Variants in LMBRD2 observed in about 807,000 individuals in gnomAD.
LMBRD2 encodes G protein-coupled receptor-associated protein LMBRD2.
LMBRD2 carries 55 observed loss-of-function variants against 94.4 expected under a neutral mutation model. The observed-to-expected ratio is 0.58, with a 90% CI of 0.47 to 0.73. The LOEUF is 0.73. Ranked by LOEUF, LMBRD2 falls within the 30% of genes least tolerant of loss-of-function variation. The pLI, the probability that LMBRD2 is intolerant of heterozygous loss-of-function variation, is 0.00. For synonymous variants in LMBRD2, 246 were observed against 272.4 expected, an observed-to-expected ratio of 0.90 and a Z score of 0.95; for missense variants, 640 against 831.9, an observed-to-expected ratio of 0.77 and a Z score of 2.84.
intron 6 of LMBRD2, among the ~76,000 whole-genome samples, chr5:36,135,449 C>T (rs1178870221): frequency 6.6e-6 from 1 of 152,116 alleles, no homozygotes; most frequent in Non-Finnish European, 1.5e-5. Context: ...TTTATTATTT[C>T]ATCAACATTA....
chr5:36,139,849 A>G (rs1253967004), intron 4 of LMBRD2, among the ~76,000 whole-genome samples: 4 of 152,198 alleles, frequency 2.6e-5, no homozygotes, highest in African/African-American at 7.2e-5. Flanking sequence ...ATCACTCAAT[A>G]AAGCACCTCT....
At chr5:36,121,546 G>C (rs1743887119) in intron 9 of LMBRD2, among the ~76,000 whole-genome samples, 1 of 152,084 alleles carries the variant, frequency 6.6e-6, no homozygotes, top group African/African-American at 2.4e-5. Flanking sequence ...ACAAAGTATA[G>C]GTTTTATAAT....
Position 36,122,891 on chromosome 5 carries a change from C to T in LMBRD2, c.893G>A (p.Ser298Asn), listed in dbSNP as rs146190853. 9.4e-5 allele frequency: 149 copies of T among 1,589,184 alleles called. 1 individual carries two copies. The highest frequency in any genetic ancestry group is 1.2e-4 in the Non-Finnish European group (142 of 1,172,134). The change falls in exon 8 of 18, where the codon AGT becomes AAT. Residue 298 changes from serine to asparagine, a missense_variant. Ser to Asn is a conservative substitution (Grantham distance 46). Coordinates refer to ENST00000296603, the MANE Select transcript of LMBRD2 (RefSeq NM_001007527.2). The part of the protein sequence containing the change: ...DDYEDFDEKH[S>N]IYPSEKSLVK... ...CAGACTTTTTTCACTTGGATAGATACTATGCTTTTCATCAAAATCTTCATA... is the reference window on the plus strand; with the variant it reads ...CAGACTTTTTTCACTTGGATAGATATTATGCTTTTCATCAAAATCTTCATA...
At chr5:36,108,469 T>A in intron 16 of LMBRD2, 65 bp downstream of exon 16, 1 of 758,594 alleles carries the variant, frequency 1.3e-6, no homozygotes, top group Non-Finnish European at 2.2e-6. Flanking sequence ...ATTCTAACAC[T>A]CAATCTCTAT....
intron 1 of LMBRD2, among the ~76,000 whole-genome samples, chr5:36,146,425 CA>C (rs1279889291): frequency 2.6e-5 from 4 of 152,194 alleles, no homozygotes; most frequent in Non-Finnish European, 5.9e-5. Flanking sequence ...GGCCGGAGGG[CA>C]GTGGCATGAT....
chr5:36,141,038 A>T, intron 4 of LMBRD2, 69 bp downstream of exon 4: 1 of 822,686 alleles, frequency 1.2e-6, no homozygotes, highest in Non-Finnish European at 2.1e-6. Context: ...ATTCCAAACT[A>T]TATTGATTGA....
intron 10 of LMBRD2, among the ~76,000 whole-genome samples, chr5:36,116,838 G>A (rs755996233): frequency 8.6e-5 from 13 of 151,764 alleles, no homozygotes; most frequent in East Asian, 7.8e-4. Flanking sequence ...CACCACGCCC[G>A]GCTAATTTTT....
At chr5:36,146,224 C>T (rs1744534087) in intron 1 of LMBRD2, among the ~76,000 whole-genome samples, 1 of 152,234 alleles carries the variant, frequency 6.6e-6, no homozygotes, top group African/African-American at 2.4e-5. Context: ...CTTTAAACAA[C>T]ATCCATTTAG....
In LMBRD2 at chr5:36,103,931, T is replaced by G; in HGVS notation, c.*115A>C. ...TATAATTAATTCTCAGTGCCTTTTT[T>G]GTTATCTTGACACTTTTCACTGTGT... is the stretch of plus-strand genomic sequence containing the variant. On this transcript the variant is annotated 3_prime_UTR_variant, in exon 18 of 18. Transcript: ENST00000296603. 1.5e-6 allele frequency: 1 copy of G among 678,838 alleles called. No homozygotes were observed. The highest frequency in any genetic ancestry group is 2.6e-6 in the Non-Finnish European group (1 of 385,514). 42.1% of individuals were successfully genotyped at this position (678,838 alleles called of 1,614,324 possible). A position where few individuals can be genotyped will look rare whatever the true frequency, so the allele number is the denominator to read the frequency against.
chr5:36,112,506 T>G (rs1442869458), intron 13 of LMBRD2, among the ~76,000 whole-genome samples: 2 of 152,210 alleles, frequency 1.3e-5, no homozygotes, highest in East Asian at 3.8e-4. Context: ...AACCTATCAT[T>G]GAAATGTCAG....
At chr5:36,146,949 T>A (rs866331757) in intron 1 of LMBRD2, among the ~76,000 whole-genome samples, 3,501 of 147,954 alleles carry the variant, frequency 0.024, 72 homozygotes, top group African/African-American at 0.066. Context: ...TGAGTGTGTG[T>A]GTGTGTGTGT....
At chr5:36,141,270 G>C in intron 3 of LMBRD2, 68 bp from the exon 4 acceptor site, 1 of 873,932 alleles carries the variant, frequency 1.1e-6, no homozygotes, top group African/African-American at 1.7e-5. Context: ...CAATTAATTT[G>C]CATGTGGCCA....
At chr5:36,128,898 T>A (rs1174008351) in intron 6 of LMBRD2, among the ~76,000 whole-genome samples, 1 of 152,088 alleles carries the variant, frequency 6.6e-6, no homozygotes, top group Non-Finnish European at 1.5e-5. Context: ...AACAAAGCTG[T>A]TGAAAGAATT....
At chr5:36,122,217 A>G (rs1743902161) in intron 9 of LMBRD2, 63 bp downstream of exon 9, 5 of 1,227,148 alleles carry the variant, frequency 4.1e-6, no homozygotes, top group East Asian at 4.8e-5. Context: ...GTGAAAATAC[A>G]TAACTTCTTT....
chr5:36,139,039 T>C (rs368959838), intron 4 of LMBRD2, among the ~76,000 whole-genome samples: 22 of 152,206 alleles, frequency 1.4e-4, no homozygotes, highest in East Asian at 9.7e-4. Context: ...CCCTTCCGAG[T>C]TGGCGGGGCA....
At chr5:36,150,019 A>G (rs1274165997) in intron 1 of LMBRD2, among the ~76,000 whole-genome samples, 1 of 152,262 alleles carries the variant, frequency 6.6e-6, no homozygotes, top group Non-Finnish European at 1.5e-5. Flanking sequence ...CTCGTCTTCA[A>G]TGGACACAAT....
chr5:36,108,572 G>A lies in LMBRD2; in HGVS notation c.1859C>T (p.Pro620Leu). ...STRNRNIHTD[P>L]KESNFSDVNT... is the part of the protein sequence containing the mutation. ...AACATCTGAGAAGTTTGACTCTTTG[G>A]GGTCAGTATGAATATTTCTGTTCCT... The change falls in exon 16 of 18, where the codon CCC becomes CTC. Residue 620 changes from proline (P) to leucine (L), a missense_variant. Around this residue, in one of 2 missense-constraint regions of LMBRD2, gnomAD observed 183 missense variants for 189.1 expected, o/e 0.97. Transcript: ENST00000296603. The A allele has an allele frequency of 6.3e-7, 1 of 1,594,266 alleles. No homozygotes were observed.
rs1215486846 is a variant in LMBRD2 at position 36,099,872 on chromosome 5, G to A, written c.*4174C>T. The stretch of plus-strand genomic sequence containing the variant: ...AGTGAGTCCTCAATTGACCTCAATG[G>A]ACCAATGGCTTGGTACAGAAGGAAT... On this transcript the variant is annotated 3_prime_UTR_variant, in exon 18 of 18. Coordinates refer to ENST00000296603, the MANE Select transcript of LMBRD2 (RefSeq NM_001007527.2). 6.6e-6 allele frequency: 1 copy of A among 152,070 alleles called. No homozygotes were observed. The highest frequency in any genetic ancestry group is 2.4e-5 in the African/African-American group (1 of 41,422). The allele number at this position is 152,070 out of a possible 1,614,324, so 9.4% of individuals were successfully genotyped here. A position where few individuals can be genotyped will look rare whatever the true frequency, so the allele number is the denominator to read the frequency against.
At chr5:36,114,957 T>C in intron 12 of LMBRD2, 58 bp downstream of exon 12, 1 of 1,109,616 alleles carries the variant, frequency 9.0e-7, no homozygotes, top group Non-Finnish European at 1.3e-6. Context: ...AATTTCACAA[T>C]AACAGCACCT....
Sources: allele counts gnomAD v4.1 joint callset (sites outside exome capture counted in the v4.1 genomes callset), GRCh38; gene constraint gnomAD v4.1.1; regional missense constraint gnomAD v4.1.1; transcripts MANE v1.5; gene names NCBI Gene and HGNC (gene_info 2026-07-23, HGNC 2026-07-21).